IFNAR2: variants seen among roughly 807,000 people sequenced by gnomAD.
The protein encoded by IFNAR2 is interferon alpha and beta receptor subunit 2.
In IFNAR2, 30 loss-of-function variants were observed where a neutral mutation model predicts 49.4. The observed-to-expected ratio is 0.61, with a 90% CI of 0.45 to 0.82. The LOEUF is 0.82. IFNAR2 is among the 40% of genes least tolerant of loss of function. IFNAR2 has a pLI of 0.00. For synonymous variants in IFNAR2, 224 were observed against 234.5 expected (o/e 0.96, Z 0.41); for missense variants, 600 against 622.7 (o/e 0.96, Z 0.39).
intron 8 of IFNAR2, among the ~76,000 whole-genome samples, chr21:33,261,118 C>T (rs1214567112): frequency 7.2e-6 from 1 of 138,172 alleles, no homozygotes; most frequent in African/African-American, 2.7e-5. Context: ...CTGACTGTAA[C>T]CTCTGCCTCC....
intron 7 of IFNAR2, among the ~76,000 whole-genome samples, chr21:33,257,909 A>G (rs1988318496): frequency 6.6e-6 from 1 of 152,150 alleles, no homozygotes; most frequent in Non-Finnish European, 1.5e-5. Flanking sequence ...CCCAAGGGAG[A>G]TGTGGTAAGC....
chr21:33,235,228 C>T (rs1793674105), intron 1 of IFNAR2, among the ~76,000 whole-genome samples: 1 of 152,172 alleles, frequency 6.6e-6, no homozygotes. Context: ...TCTTTGTGAC[C>T]TCCTGTTTTA....
rs148710101 is a variant in IFNAR2, at chr21:33,253,727, G to A, written c.709+897G>A. Among the ~76,000 whole-genome samples the A allele has an allele frequency of 2.3e-3, 346 of 152,294 alleles. 3 individuals carry two copies. The highest frequency in any genetic ancestry group is 7.9e-3 in the African/African-American group (327 of 41,556). ...TTTCTTGATGATATGCTAAACAAGG[G>A]GTGGATTATTCATGCCTCCCCTTTT... On this transcript the variant is annotated intron_variant, in intron 7 of 8. Transcript: ENST00000342136.
Position 33,252,535 on chromosome 21 carries a change from C to A in IFNAR2, c.541-127C>A, listed in dbSNP as rs1201059957. The A allele has an allele frequency of 1.3e-5, 19 of 1,450,180 alleles. 1 individual carries two copies. In the South Asian group the frequency reaches 2.9e-4, roughly 22 times the overall value. The allele number at this position is 1,450,180 out of a possible 1,614,324, so 89.8% of individuals were successfully genotyped here. A position where few individuals can be genotyped will look rare whatever the true frequency, so the allele number is the denominator to read the frequency against. ...TACTTGCTCCAGATGACTTATAAATCCTTTTTCTTACCAAGCCTGTGATAA... is the reference window on the plus strand; with the variant it reads ...TACTTGCTCCAGATGACTTATAAATACTTTTTCTTACCAAGCCTGTGATAA... On this transcript the variant is annotated intron_variant, in intron 6 of 8. Transcript: ENST00000342136.
intron 7 of IFNAR2, among the ~76,000 whole-genome samples, chr21:33,256,344 T>A (rs988557549): frequency 2.0e-5 from 3 of 152,220 alleles, no homozygotes; most frequent in African/African-American, 7.2e-5. Flanking sequence ...TCTTTAATTA[T>A]CCAAATACTG....
chr21:33,236,213 G>A (rs1005113449), intron 1 of IFNAR2, among the ~76,000 whole-genome samples: 3 of 152,112 alleles, frequency 2.0e-5, no homozygotes, highest in Non-Finnish European at 4.4e-5. Flanking sequence ...CAGGGATACC[G>A]AGGGAGCCAG....
In IFNAR2 at chr21:33,255,658, G is replaced by T. The variant is rs76139216; in HGVS notation, c.709+2828G>T. ...GAATTTGGGGACTCCCCAACCCTTG[G>T]TGTTCACAGTTTGTATTGGGTTTCA... is the stretch of plus-strand genomic sequence containing the variant. On this transcript the variant is annotated intron_variant, in intron 7 of 8. Transcript: ENST00000342136. Among the ~76,000 whole-genome samples, 362 of 152,270 alleles carry T rather than the reference G, an allele frequency of 2.4e-3. 2 individuals are homozygous for T. Among genetic ancestry groups the T allele is most frequent in the Non-Finnish European group, 4.4e-3 (302 of 68,026 alleles).
chr21:33,233,021 A>G (rs1353256170), intron 1 of IFNAR2: 1 of 718,248 alleles, frequency 1.4e-6, no homozygotes, highest in East Asian at 1.3e-4. Context: ...ATTCATTACC[A>G]TTGCCTTACA....
chr21:33,245,699 C>T (rs374455820), intron 4 of IFNAR2, among the ~76,000 whole-genome samples: 1 of 152,224 alleles, frequency 6.6e-6, no homozygotes, highest in East Asian at 1.9e-4. Context: ...CCTTAGAAGT[C>T]ATTGCTTTGA....
intron 1 of IFNAR2, among the ~76,000 whole-genome samples, chr21:33,235,385 A>C (rs1314850647): frequency 6.6e-6 from 1 of 152,180 alleles, no homozygotes; most frequent in Non-Finnish European, 1.5e-5. Context: ...GGGGCTCAGC[A>C]GGACAATAAC....
At chr21:33,249,258 C>G (rs563874884) in intron 6 of IFNAR2, among the ~76,000 whole-genome samples, 9 of 149,546 alleles carry the variant, frequency 6.0e-5, no homozygotes, top group Admixed American at 3.4e-4. Flanking sequence ...GCAGGATAAT[C>G]GCTTGAACCT....
At chr21:33,239,321 C>T (rs1986732719) in intron 1 of IFNAR2, among the ~76,000 whole-genome samples, 1 of 152,214 alleles carries the variant, frequency 6.6e-6, no homozygotes, top group Admixed American at 6.5e-5. Context: ...AGCTTCCTGC[C>T]TGCACTGTCC....
intron 2 of IFNAR2, among the ~76,000 whole-genome samples, chr21:33,242,776 T>C (rs1413941125): frequency 1.2e-4 from 2 of 16,476 alleles, no homozygotes; most frequent in African/African-American, 5.3e-4. Context: ...TGTGTGTGTG[T>C]GTGTGTGTGT....
chr21:33,241,833 T>A lies in IFNAR2; in HGVS notation c.-83-7T>A. On this transcript the variant is annotated splice_region_variant and splice_polypyrimidine_tract_variant and intron_variant, in intron 1 of 8. Coordinates refer to ENST00000342136, the MANE Select transcript of IFNAR2 (RefSeq NM_001289125.3). ...TCTTGTCTTTGCTCCCATTTTTATA[T>A]TTGCAGTTTAATTAGACACTTCAGA... 1 of 1,575,188 alleles carries A rather than the reference T, an allele frequency of 6.3e-7. No individual in the cohort carries two copies. The highest frequency in any genetic ancestry group is 8.6e-7 in the Non-Finnish European group (1 of 1,160,514).
At position 33,245,028 on chromosome 21, in the gene IFNAR2, C is replaced by A; in HGVS notation, c.175C>A (p.His59Asn). The stretch of plus-strand genomic sequence containing the variant: ...CATCTTATCATGGGAATTAAAAAAC[C>A]ACTCCATTGTACCAACTCACTATAC... ...RSILSWELKN[H>N]SIVPTHYTLL... The change falls in exon 4 of 9, where the codon CAC becomes AAC. Residue 59 changes from histidine (H) to asparagine (N), a missense_variant. Transcript: ENST00000342136. 6.2e-7 allele frequency: 1 copy of A among 1,610,682 alleles called. No individual in the cohort carries two copies. Among genetic ancestry groups the A allele is most frequent in the Non-Finnish European group, 8.5e-7 (1 of 1,176,922 alleles).
chr21:33,229,973 A>C lies in IFNAR2; in HGVS notation c.-327A>C. ...TCGTAGGCCGGGGCTCGGCGCGCGC[A>C]CCCGCACTAAAGACGCTTCTTCCCG... On this transcript the variant is annotated 5_prime_UTR_variant, in exon 1 of 9. Transcript: ENST00000342136. The C allele has an allele frequency of 1.0e-6, 1 of 983,342 alleles. No individual in the cohort carries two copies. The highest frequency in any genetic ancestry group is 1.2e-6 in the Non-Finnish European group (1 of 829,362). 60.9% of individuals were successfully genotyped at this position (983,342 alleles called of 1,614,324 possible).
At chr21:33,242,866 G>A (rs1987082896) in intron 2 of IFNAR2, among the ~76,000 whole-genome samples, 1 of 149,606 alleles carries the variant, frequency 6.7e-6, no homozygotes, top group South Asian at 2.2e-4. Context: ...TCAGCTCACT[G>A]CAGCCTCCAC....
At chr21:33,245,896 A>G (rs137887590) in intron 4 of IFNAR2, among the ~76,000 whole-genome samples, 105 of 152,210 alleles carry the variant, frequency 6.9e-4, no homozygotes, top group African/African-American at 2.4e-3. Context: ...GGTAGATGAG[A>G]TATCTGCATT....
At chr21:33,232,838 T>G (rs1986161259) in intron 1 of IFNAR2, among the ~76,000 whole-genome samples, 1 of 151,982 alleles carries the variant, frequency 6.6e-6, no homozygotes, top group Admixed American at 6.6e-5. Context: ...TCAGATAAAG[T>G]TGTGGAAAGG....
Sources: gnomAD v4.1 joint callset for allele counts (sites outside exome capture counted in the v4.1 genomes callset) on GRCh38, gnomAD v4.1.1 for gene constraint, MANE v1.5 for transcripts, NCBI Gene and HGNC (gene_info 2026-07-23, HGNC 2026-07-21) for gene names.